The following DNAAF10 variants were observed in gnomAD, a reference collection of about 807,000 sequenced individuals.
The protein encoded by DNAAF10 is dynein axonemal assembly factor 10, also known as WD repeat domain 92.
Under a neutral mutation model 43.7 loss-of-function variants are expected in DNAAF10, and 28 were observed. The observed-to-expected ratio is 0.64, with a 90% CI of 0.48 to 0.88. DNAAF10 has a LOEUF of 0.88. DNAAF10 is among the 40% of genes least tolerant of loss of function. The pLI, the probability that DNAAF10 is intolerant of heterozygous loss-of-function variation, is 0.00. For missense variants in DNAAF10, 403 were observed against 439.1 expected (o/e 0.92, Z 0.73); for synonymous variants, 156 against 157.3 (o/e 0.99, Z 0.06).
intron 1 of DNAAF10, among the ~76,000 whole-genome samples, chr2:68,153,797 G>C (rs994278933): frequency 7.2e-4 from 101 of 139,312 alleles, no homozygotes; most frequent in Non-Finnish European, 2.1e-4. Context: ...CTGTCTTCAG[G>C]CTGGAGTGCA....
rs1672897931 is a variant in DNAAF10 at position 68,130,132 on chromosome 2, T to TATATA, written c.*1105_*1106insTATAT. ...GAGAGAGAGATATATATATATATAT[T>TATATA]TGTTTTTTTTTTTTTTGAGACGGAG... On this transcript the variant is annotated 3_prime_UTR_variant, in exon 8 of 8. Transcript: ENST00000295121. 1 of 73,026 alleles carries TATATA rather than the reference T, an allele frequency of 1.4e-5. No homozygotes were observed. The highest frequency in any genetic ancestry group is 5.1e-5 in the African/African-American group (1 of 19,694). The allele number at this position is 73,026 out of a possible 1,614,324, so 4.5% of individuals were successfully genotyped here.
chr2:68,156,476 CATT>C (rs1673618030), intron 1 of DNAAF10, among the ~76,000 whole-genome samples: 1 of 152,192 alleles, frequency 6.6e-6, no homozygotes, highest in South Asian at 2.1e-4. Flanking sequence ...TAGTTACTAT[CATT>C]ATTCTCTAAT....
intron 7 of DNAAF10, chr2:68,134,400 G>C: frequency 5.4e-6 from 6 of 1,114,698 alleles, no homozygotes; most frequent in Non-Finnish European, 5.5e-6. Context: ...GAGGCAGTGA[G>C]TGTTCTAATC....
intron 7 of DNAAF10, among the ~76,000 whole-genome samples, chr2:68,133,671 T>C (rs1672971336): frequency 6.6e-6 from 1 of 152,028 alleles, no homozygotes; most frequent in Non-Finnish European, 1.5e-5. Flanking sequence ...GAGAACCCCT[T>C]GAACCTGGAG....
rs1284904782 is a variant in DNAAF10 at position 68,131,250 on chromosome 2, G to A, written c.1062C>T (p.Leu354=). 6.2e-7 allele frequency: 1 copy of A among 1,613,918 alleles called. No individual in the cohort carries two copies. The highest frequency in any genetic ancestry group is 8.5e-7 in the Non-Finnish European group (1 of 1,179,954). The stretch of plus-strand genomic sequence containing the variant: ...CAAAGTCTTGAAGTCAAATTTTATT[G>A]AGCTTTGTAACGATCAGTACTCTCA... ...QTVRVLIVTK[L]NKI Residue 354 remains leucine, a synonymous_variant, in exon 8 of 8, where the codon CTC becomes CTT. Coordinates refer to ENST00000295121, the MANE Select transcript of DNAAF10 (RefSeq NM_138458.4).
rs540988194 is a variant in DNAAF10 at position 68,133,891 on chromosome 2, TA to T, written c.866+810del. Among the ~76,000 whole-genome samples, 42 of 152,340 alleles carry T rather than the reference TA, an allele frequency of 2.8e-4. No individual in the cohort carries two copies. The South Asian group carries it at 8.7e-3, about 32-fold the overall frequency. The stretch of plus-strand genomic sequence containing the variant: ...CAAAGGAGCTAATAGAGAAGAATTT[TA>T]TAAATGTGAAAGTCCCAGATATATT... On this transcript the variant is annotated intron_variant, in intron 7 of 7. Transcript: ENST00000295121.
intron 7 of DNAAF10, among the ~76,000 whole-genome samples, chr2:68,133,221 T>G (rs773681616): frequency 2.2e-4 from 33 of 151,918 alleles, no homozygotes; most frequent in Non-Finnish European, 3.5e-4. Flanking sequence ...ATATTGGTTG[T>G]TTGTTTGTTT....
In DNAAF10 at chr2:68,132,888, G is replaced by A. The variant is rs138400259; in HGVS notation, c.867-1443C>T. ...TAACTTTACTGACGGAACTAAATCCGCTGTAGTAAAAAATTCCAGCTGCGA... is the reference window on the plus strand; with the variant it reads ...TAACTTTACTGACGGAACTAAATCCACTGTAGTAAAAAATTCCAGCTGCGA... On this transcript the variant is annotated intron_variant, in intron 7 of 7. Coordinates refer to ENST00000295121, the MANE Select transcript of DNAAF10 (RefSeq NM_138458.4). 6.1e-4 allele frequency among the ~76,000 whole-genome samples: 93 copies of A among 152,246 alleles called. 1 individual carries two copies. Among genetic ancestry groups the A allele is most frequent in the African/African-American group, 2.2e-3 (91 of 41,542 alleles).
At position 68,157,503 on chromosome 2, in the gene DNAAF10, T is replaced by C; in HGVS notation, c.-60A>G. 1.9e-6 allele frequency: 3 copies of C among 1,610,064 alleles called. No individual in the cohort carries two copies. Among genetic ancestry groups the C allele is most frequent in the Non-Finnish European group, 1.7e-6 (2 of 1,176,362 alleles). ...CCCAGAGCCCCCAAAAACGGCAACC[T>C]GGAAACCAGACTCCAAACATTGGCA... is the stretch of plus-strand genomic sequence containing the variant. On this transcript the variant is annotated 5_prime_UTR_variant, in exon 1 of 8. Coordinates refer to ENST00000295121, the MANE Select transcript of DNAAF10 (RefSeq NM_138458.4).
chr2:68,136,500 C>G (rs908004177), intron 6 of DNAAF10, among the ~76,000 whole-genome samples: 1 of 152,186 alleles, frequency 6.6e-6, no homozygotes, highest in African/African-American at 2.4e-5. Context: ...AGAAATCCTA[C>G]TGAATCCACA....
chr2:68,154,374 G>A (rs1167000834), intron 1 of DNAAF10, among the ~76,000 whole-genome samples: 1 of 152,118 alleles, frequency 6.6e-6, no homozygotes, highest in Non-Finnish European at 1.5e-5. Flanking sequence ...AGCCTCCTGA[G>A]TAGCTGGGAC....
intron 1 of DNAAF10, among the ~76,000 whole-genome samples, chr2:68,156,353 G>GTTC (rs10690483): frequency 0.29 from 43,847 of 151,726 alleles, 7,096 homozygotes; most frequent in African/African-American, 0.44. Context: ...GATCCCCAGA[G>GTTC]TTAACCTACC....
rs545460877 is a variant in DNAAF10 at position 68,130,663 on chromosome 2, A to G, written c.*575T>C. 2 of 153,366 alleles carry G rather than the reference A, an allele frequency of 1.3e-5. No individual in the cohort carries two copies. The highest frequency in any genetic ancestry group is 4.1e-4 in the South Asian group (2 of 4,872). 9.5% of individuals were successfully genotyped at this position (153,366 alleles called of 1,614,324 possible). A position where few individuals can be genotyped will look rare whatever the true frequency, so the allele number is the denominator to read the frequency against. ...TCTGAAATATGTTTAATTATAGACA[A>G]CTATTGACTTAGAAATGGAAGGGAG... On this transcript the variant is annotated 3_prime_UTR_variant, in exon 8 of 8. Transcript: ENST00000295121.
chr2:68,152,333 C>T (rs1326223518), intron 1 of DNAAF10, among the ~76,000 whole-genome samples: 1 of 152,170 alleles, frequency 6.6e-6, no homozygotes, highest in South Asian at 2.1e-4. Flanking sequence ...GTATTATGAA[C>T]ATATTAAACG....
At chr2:68,154,989 G>C (rs529089769) in intron 1 of DNAAF10, among the ~76,000 whole-genome samples, 1 of 151,704 alleles carries the variant, frequency 6.6e-6, no homozygotes, top group Non-Finnish European at 1.5e-5. Context: ...GCCTAGGCTG[G>C]TCTTGAACTC....
chr2:68,153,745 G>GTTTTTTTTT (rs35521976), intron 1 of DNAAF10, among the ~76,000 whole-genome samples: 1 of 78,418 alleles, frequency 1.3e-5, no homozygotes, highest in Non-Finnish European at 2.3e-5. Flanking sequence ...ACACAATGAA[G>GTTTTTTTTT]TTTTTTTTTT....
At chr2:68,141,902 G>T in intron 3 of DNAAF10, 107 bp from the exon 4 acceptor site, 1 of 878,040 alleles carries the variant, frequency 1.1e-6, no homozygotes, top group Non-Finnish European at 1.8e-6. Context: ...TATGACAGAT[G>T]TTATGACATC....
chr2:68,131,202 GC>G lies in DNAAF10; in HGVS notation c.*35del. ...CAAAGTGCTGGGATTACAGGAGTGA[GC>G]CACCGTGCCCAGCCTCAAGTCCAAA... On this transcript the variant is annotated 3_prime_UTR_variant, in exon 8 of 8. Transcript: ENST00000295121. The G allele has an allele frequency of 6.2e-7, 1 of 1,608,140 alleles. No homozygotes were observed. Among genetic ancestry groups the G allele is most frequent in the Non-Finnish European group, 8.5e-7 (1 of 1,174,978 alleles).
intron 5 of DNAAF10, 32 bp downstream of exon 5, chr2:68,138,710 G>C (rs1673104290): frequency 6.6e-7 from 1 of 1,517,352 alleles, no homozygotes; most frequent in Non-Finnish European, 9.2e-7. Flanking sequence ...AACATGCTCA[G>C]AGAAACCAAA....
Sources: gnomAD v4.1 joint callset for allele counts (sites outside exome capture counted in the v4.1 genomes callset) on GRCh38, gnomAD v4.1.1 for gene constraint, MANE v1.5 for transcripts, NCBI Gene and HGNC (gene_info 2026-07-23, HGNC 2026-07-21) for gene names.